Variants in MSRB2 observed in about 807,000 individuals in gnomAD.
The protein encoded by MSRB2 is methionine-R-sulfoxide reductase B2, mitochondrial.
MSRB2 carries 17 observed loss-of-function variants against 19.0 expected under a neutral mutation model. The ratio of observed to expected loss-of-function variants is 0.89; its 90% CI spans 0.61 to 1.34. The LOEUF (loss-of-function observed/expected upper bound fraction) is 1.34. Ranked by LOEUF, MSRB2 falls within the 40% of genes most tolerant of loss-of-function variation. The probability of loss-of-function intolerance (pLI) is 0.00; values close to 1 mark genes in which losing one functional copy is unlikely to be tolerated. For missense variants in MSRB2, 208 were observed against 237.6 expected (o/e 0.88, Z 0.82); for synonymous variants, 107 against 99.7 (o/e 1.07, Z -0.44).
intron 3 of MSRB2, among the ~76,000 whole-genome samples, chr10:23,117,291 G>T (rs950635741): frequency 6.6e-6 from 1 of 152,036 alleles, no homozygotes; most frequent in Non-Finnish European, 1.5e-5. Context: ...AGAGATTCCT[G>T]GGGGGGACCT....
intron 3 of MSRB2, 117 bp downstream of exon 3, chr10:23,110,435 T>C: frequency 1.3e-6 from 1 of 779,092 alleles, no homozygotes; most frequent in Admixed American, 2.4e-5. Context: ...GTTTTTTAAA[T>C]TGCTCTTCTC....
intron 3 of MSRB2, 142 bp from the exon 4 acceptor site, chr10:23,119,158 GGACT>G: frequency 1.0e-6 from 1 of 993,840 alleles, no homozygotes; most frequent in Non-Finnish European, 1.6e-6. Flanking sequence ...GATTCCGGGG[GGACT>G]GACTGTCGAA....
chr10:23,111,570 G>A (rs572653409), intron 3 of MSRB2, among the ~76,000 whole-genome samples: 1 of 152,262 alleles, frequency 6.6e-6, no homozygotes, highest in East Asian at 1.9e-4. Context: ...TCTGAAAAAG[G>A]GGGGGACTTC....
chr10:23,100,623 A>AAG (rs1839917518), intron 1 of MSRB2, among the ~76,000 whole-genome samples: 1 of 152,122 alleles, frequency 6.6e-6, no homozygotes, highest in Admixed American at 6.5e-5. Context: ...GAGCAGGAGG[A>AAG]AGAGAGAGAG....
intron 2 of MSRB2, among the ~76,000 whole-genome samples, chr10:23,109,417 C>T (rs1449645370): frequency 1.3e-5 from 2 of 151,998 alleles, no homozygotes; most frequent in East Asian, 3.9e-4. Flanking sequence ...GTGGCGTGCA[C>T]CTGTAGTCCC....
chr10:23,104,132 T>G lies in MSRB2; in HGVS notation c.119-12T>G, dbSNP rs1449971145. ...TTGTTTTAATTTTTAAAATTCCTGT[T>G]TAACAATACAGGGTCTCTTGCAACG... On this transcript the variant is annotated splice_polypyrimidine_tract_variant and intron_variant, in intron 1 of 4. Transcript: ENST00000376510. The G allele has an allele frequency of 6.3e-7, 1 of 1,589,256 alleles. No homozygotes were observed. Among genetic ancestry groups the G allele is most frequent in the Admixed American group, 1.9e-5 (1 of 52,964 alleles).
chr10:23,098,861 G>T (rs571436371), intron 1 of MSRB2, among the ~76,000 whole-genome samples: 23 of 152,326 alleles, frequency 1.5e-4, no homozygotes, highest in Non-Finnish European at 3.2e-4. Flanking sequence ...CACAGGCTGG[G>T]CAGCTTAAAC....
chr10:23,102,306 GT>G (rs1330606642), intron 1 of MSRB2, among the ~76,000 whole-genome samples: 1 of 152,162 alleles, frequency 6.6e-6, no homozygotes, highest in Non-Finnish European at 1.5e-5. Flanking sequence ...CTGCAAGACA[GT>G]TTTCCTCTCA....
intron 3 of MSRB2, among the ~76,000 whole-genome samples, chr10:23,113,561 T>A (rs1055585088): frequency 6.6e-6 from 1 of 152,208 alleles, no homozygotes; most frequent in South Asian, 2.1e-4. Flanking sequence ...ATGGAAGTTG[T>A]TATGGGATGA....
At chr10:23,113,806 C>T (rs1316688245) in intron 3 of MSRB2, among the ~76,000 whole-genome samples, 2 of 152,030 alleles carry the variant, frequency 1.3e-5, no homozygotes, top group South Asian at 2.1e-4. Context: ...AGCTACAAAC[C>T]GAAGACTGCC....
chr10:23,119,843 C>T (rs1486730765), intron 4 of MSRB2, among the ~76,000 whole-genome samples: 1 of 152,194 alleles, frequency 6.6e-6, no homozygotes, highest in Non-Finnish European at 1.5e-5. Flanking sequence ...GATCCACCTG[C>T]CTCGGCCTCC....
At chr10:23,114,929 T>A (rs893044437) in intron 3 of MSRB2, among the ~76,000 whole-genome samples, 1 of 152,170 alleles carries the variant, frequency 6.6e-6, no homozygotes. Flanking sequence ...GTGCCTGCTT[T>A]CCTTATTACA....
intron 2 of MSRB2, among the ~76,000 whole-genome samples, chr10:23,104,722 C>A (rs1839965469): frequency 6.6e-6 from 1 of 152,162 alleles, no homozygotes; most frequent in Admixed American, 6.5e-5. Flanking sequence ...CCCCTATCCT[C>A]AAATCCAGCC....
chr10:23,116,139 G>T (rs945328154), intron 3 of MSRB2, among the ~76,000 whole-genome samples: 1 of 152,200 alleles, frequency 6.6e-6, no homozygotes, highest in South Asian at 2.1e-4. Context: ...CAACTCAAGT[G>T]CCATGTGTCA....
At chr10:23,096,352 C>CTCTGTG (rs144653384) in intron 1 of MSRB2, among the ~76,000 whole-genome samples, 66 of 142,834 alleles carry the variant, frequency 4.6e-4, no homozygotes, top group Non-Finnish European at 8.6e-4. Flanking sequence ...CTCTCTCTCT[C>CTCTGTG]TGTGTGTGTG....
rs528466477 is a variant in MSRB2 at position 23,099,389 on chromosome 10, A to G, written c.118+3663A>G. On this transcript the variant is annotated intron_variant, in intron 1 of 4. Coordinates refer to ENST00000376510, the MANE Select transcript of MSRB2 (RefSeq NM_012228.4). ...TGCTTGAACAAGAACTAGTCTAAACATTATTGCCTACCCACTAAAGTTTTC... is the reference window on the plus strand; with the variant it reads ...TGCTTGAACAAGAACTAGTCTAAACGTTATTGCCTACCCACTAAAGTTTTC... Among the ~76,000 whole-genome samples the G allele has an allele frequency of 1.5e-3, 232 of 152,318 alleles. 2 individuals carry two copies. The highest frequency in any genetic ancestry group is 5.5e-3 in the African/African-American group (227 of 41,564).
chr10:23,101,729 A>C (rs188065092), intron 1 of MSRB2, among the ~76,000 whole-genome samples: 4 of 152,278 alleles, frequency 2.6e-5, no homozygotes, highest in Non-Finnish European at 5.9e-5. Flanking sequence ...AGTAACTTTG[A>C]GTTTATAAGG....
intron 2 of MSRB2, among the ~76,000 whole-genome samples, chr10:23,104,850 T>G (rs1487168588): frequency 6.6e-6 from 1 of 152,018 alleles, no homozygotes; most frequent in Non-Finnish European, 1.5e-5. Flanking sequence ...CCGTCATCCC[T>G]CCCCACACTC....
At chr10:23,120,712 A>G (rs1270286788) in intron 4 of MSRB2, 46 bp from the exon 5 acceptor site, 1 of 1,485,668 alleles carries the variant, frequency 6.7e-7, no homozygotes, top group Admixed American at 1.8e-5. Context: ...TTACATAAAG[A>G]GCTTTGTTTG....
Sources: gnomAD v4.1 joint callset for allele counts (sites outside exome capture counted in the v4.1 genomes callset) on GRCh38, gnomAD v4.1.1 for gene constraint, MANE v1.5 for transcripts, NCBI Gene and HGNC (gene_info 2026-07-23, HGNC 2026-07-21) for gene names.